Variants in CSMD1 observed in about 807,000 individuals in gnomAD.
The protein encoded by CSMD1 is CUB and sushi domain-containing protein 1.
In CSMD1, 213 loss-of-function variants were observed where a neutral mutation model predicts 417.5. That is an observed-to-expected ratio of 0.51 (90% CI 0.46 to 0.57). CSMD1 has a LOEUF of 0.57. Ranked by LOEUF, CSMD1 falls within the 20% of genes least tolerant of loss-of-function variation. The pLI, the probability that CSMD1 is intolerant of heterozygous loss-of-function variation, is 0.00. For missense variants in CSMD1, 6,923 were observed against 4,529.7 expected (o/e 1.53, Z -15.17); for synonymous variants, 2,862 against 1,736.8 (o/e 1.65, Z -16.11).
chr8:3,944,713 C>G (rs778154401), intron 5 of CSMD1, among the ~76,000 whole-genome samples: 9 of 152,134 alleles, frequency 5.9e-5, no homozygotes, highest in Non-Finnish European at 1.2e-4. Flanking sequence ...GGACATTTGT[C>G]TCTTGACAAT....
chr8:4,457,928 G>C (rs1190301498), intron 2 of CSMD1, among the ~76,000 whole-genome samples: 4 of 152,144 alleles, frequency 2.6e-5, no homozygotes, highest in African/African-American at 7.2e-5. Context: ...ATGGGGCAGA[G>C]TCTATGTATG....
intron 3 of CSMD1, among the ~76,000 whole-genome samples, chr8:4,262,448 G>A (rs547220750): frequency 3.3e-5 from 5 of 152,276 alleles, no homozygotes; most frequent in Middle Eastern, 6.8e-3. Flanking sequence ...TGTTCCCCGC[G>A]CAGTGCAGGC....
intron 1 of CSMD1, among the ~76,000 whole-genome samples, chr8:4,818,935 C>G (rs536136337): frequency 6.6e-6 from 1 of 152,084 alleles, no homozygotes; most frequent in Non-Finnish European, 1.5e-5. Context: ...GTTTCTGATT[C>G]CAAGACCTGT....
At chr8:3,804,266 T>G (rs1800609883) in intron 5 of CSMD1, among the ~76,000 whole-genome samples, 1 of 152,066 alleles carries the variant, frequency 6.6e-6, no homozygotes, top group South Asian at 2.1e-4. Context: ...TTCAAAACAT[T>G]TAACTTGCAG....
intron 1 of CSMD1, among the ~76,000 whole-genome samples, chr8:4,721,537 C>T (rs138217915): frequency 7.2e-5 from 11 of 152,152 alleles, no homozygotes; most frequent in Admixed American, 7.2e-4. Context: ...GTTAGTATGG[C>T]TATTATCAAA....
At chr8:3,552,865 C>T (rs1287928891) in intron 10 of CSMD1, among the ~76,000 whole-genome samples, 1 of 152,002 alleles carries the variant, frequency 6.6e-6, no homozygotes, top group African/African-American at 2.4e-5. Flanking sequence ...AAAAGATTTA[C>T]TTGTTTAATA....
At chr8:4,009,843 C>T (rs558938884) in intron 4 of CSMD1, among the ~76,000 whole-genome samples, 1 of 152,110 alleles carries the variant, frequency 6.6e-6, no homozygotes, top group African/African-American at 2.4e-5. Context: ...CCACTTACTT[C>T]ATGCCTGAGG....
chr8:4,493,670 G>A (rs536639897), intron 2 of CSMD1, among the ~76,000 whole-genome samples: 2 of 152,126 alleles, frequency 1.3e-5, no homozygotes, highest in Non-Finnish European at 2.9e-5. Context: ...ACTCCAGATC[G>A]AGTGAGAGAG....
chr8:4,783,731 T>G (rs950231943), intron 1 of CSMD1, among the ~76,000 whole-genome samples: 7 of 152,196 alleles, frequency 4.6e-5, no homozygotes, highest in Non-Finnish European at 1.0e-4. Context: ...GAGTGGAAAC[T>G]GCAAGCATAT....
chr8:3,497,110 T>A (rs1297796025), intron 10 of CSMD1, among the ~76,000 whole-genome samples: 1 of 152,206 alleles, frequency 6.6e-6, no homozygotes, highest in African/African-American at 2.4e-5. Context: ...GAGAAAAATG[T>A]GTATTATGCA....
At chr8:3,274,781 G>T (rs537523728) in intron 26 of CSMD1, among the ~76,000 whole-genome samples, 1 of 152,084 alleles carries the variant, frequency 6.6e-6, no homozygotes, top group South Asian at 2.1e-4. Context: ...CATTTGCTTG[G>T]TAGATCTTCC....
At chr8:3,532,011 C>T (rs1437913186) in intron 10 of CSMD1, among the ~76,000 whole-genome samples, 1 of 152,352 alleles carries the variant, frequency 6.6e-6, no homozygotes, top group East Asian at 1.9e-4. Flanking sequence ...GCAGATGGCA[C>T]ACCTGGTCCT....
intron 3 of CSMD1, among the ~76,000 whole-genome samples, chr8:4,361,388 G>C (rs913691221): frequency 7.8e-6 from 1 of 127,658 alleles, no homozygotes; most frequent in Non-Finnish European, 1.6e-5. Flanking sequence ...GCCTCATGAA[G>C]GGCTAACTGT....
intron 5 of CSMD1, among the ~76,000 whole-genome samples, chr8:3,983,477 C>G (rs1814061141): frequency 6.6e-6 from 1 of 152,128 alleles, no homozygotes; most frequent in African/African-American, 2.4e-5. Flanking sequence ...GGGTAGATAT[C>G]AAGTCATGAG....
intron 3 of CSMD1, among the ~76,000 whole-genome samples, chr8:4,204,139 A>T (rs1362513062): frequency 3.9e-5 from 6 of 152,100 alleles, no homozygotes; most frequent in Non-Finnish European, 7.4e-5. Flanking sequence ...AGGATCTGTC[A>T]GTTTTCAAGT....
intron 39 of CSMD1, among the ~76,000 whole-genome samples, chr8:3,153,729 T>A (rs893865707): frequency 6.6e-6 from 1 of 152,182 alleles, no homozygotes; most frequent in Non-Finnish European, 1.5e-5. Flanking sequence ...GTAGACAGCA[T>A]CATCAACACG....
chr8:3,280,610 A>T (rs7845657), intron 26 of CSMD1, among the ~76,000 whole-genome samples: 114,290 of 152,060 alleles, frequency 0.75, 43,335 homozygotes, highest in Admixed American at 0.84. Context: ...GATGGATCCT[A>T]TCCAAGTGTT....
At chr8:3,384,427 A>G in intron 18 of CSMD1, among the ~76,000 whole-genome samples, 1 of 151,556 alleles carries the variant, frequency 6.6e-6, no homozygotes, top group South Asian at 2.1e-4. Flanking sequence ...ACAGACAAAG[A>G]TCTGTTACTA....
At chr8:2,949,686 G>A (rs897484351) in intron 67 of CSMD1, among the ~76,000 whole-genome samples, 29 of 125,664 alleles carry the variant, frequency 2.3e-4, no homozygotes, top group Non-Finnish European at 3.9e-4. Context: ...GAACACAAAC[G>A]TATGAATTAA....
Sources: gnomAD v4.1 joint callset for allele counts (sites outside exome capture counted in the v4.1 genomes callset) on GRCh38, gnomAD v4.1.1 for gene constraint, MANE v1.5 for transcripts, NCBI Gene and HGNC (gene_info 2026-07-23, HGNC 2026-07-21) for gene names.